The following PHACTR1 variants were observed in gnomAD, a reference collection of about 807,000 sequenced individuals.
The protein encoded by PHACTR1 is RPEL repeat containing 1.
A neutral mutation model predicts 69.2 loss-of-function variants in PHACTR1; 16 were observed. The ratio of observed to expected loss-of-function variants is 0.23; its 90% CI spans 0.16 to 0.35. The LOEUF (loss-of-function observed/expected upper bound fraction) is 0.35, where lower values mean the gene tolerates loss of function less well. Ranked by LOEUF, PHACTR1 falls within the 10% of genes least tolerant of loss-of-function variation. The pLI, the probability that PHACTR1 is intolerant of heterozygous loss-of-function variation, is 1.00. For missense variants in PHACTR1, 510 were observed against 734.7 expected (o/e 0.69, Z 3.54); for synonymous variants, 312 against 284.5 (o/e 1.10, Z -0.97).
intron 4 of PHACTR1, among the ~76,000 whole-genome samples, chr6:12,931,351 T>A (rs548024412): frequency 7.2e-5 from 11 of 152,296 alleles, no homozygotes; most frequent in Admixed American, 2.6e-4. Context: ...AGTCTCAGGG[T>A]CATACCTACC....
At chr6:12,774,823 G>GTATA (rs1769851112) in intron 4 of PHACTR1, among the ~76,000 whole-genome samples, 1 of 152,194 alleles carries the variant, frequency 6.6e-6, no homozygotes, top group African/African-American at 2.4e-5. Flanking sequence ...TCAGGAAAGG[G>GTATA]TATAGAAGCA....
intron 5 of PHACTR1, among the ~76,000 whole-genome samples, chr6:13,122,939 G>C (rs1818951566): frequency 6.6e-6 from 1 of 151,870 alleles, no homozygotes. Context: ...AGTGTTTTTT[G>C]TTTCTTTCAT....
In PHACTR1 at chr6:12,749,713, G is replaced by A. The variant is rs1766325730; in HGVS notation, c.173G>A (p.Arg58Gln). The A allele has an allele frequency of 6.2e-7, 1 of 1,612,102 alleles. No individual in the cohort carries two copies. Among genetic ancestry groups the A allele is most frequent in the Non-Finnish European group, 8.5e-7 (1 of 1,179,674 alleles). Residue 58 changes from arginine (R) to glutamine (Q), a missense_variant, in exon 4 of 15, where the codon CGG becomes CAG. Around this residue, in one of 2 missense-constraint regions of PHACTR1, gnomAD observed 419 missense variants for 530.9 expected, o/e 0.79. Coordinates refer to ENST00000332995, the MANE Select transcript of PHACTR1 (RefSeq NM_030948.6). The stretch of plus-strand genomic sequence containing the variant: ...TCCTCGGAGGATGATATAGACCGGC[G>A]GCCCATCCGGAGAGTGCGCTCCAAG... ...AASSEDDIDR[R>Q]PIRRVRSKSD...
At chr6:13,152,403 A>G (rs1297547273) in intron 5 of PHACTR1, among the ~76,000 whole-genome samples, 2 of 152,224 alleles carry the variant, frequency 1.3e-5, no homozygotes, top group African/African-American at 2.4e-5. Flanking sequence ...TCATATGGAA[A>G]GGGAGACTGG....
At chr6:13,074,471 A>C (rs1810096825) in intron 5 of PHACTR1, among the ~76,000 whole-genome samples, 1 of 152,194 alleles carries the variant, frequency 6.6e-6, no homozygotes, top group African/African-American at 2.4e-5. Flanking sequence ...AAAAATAATC[A>C]AAATTTTAGA....
chr6:13,093,777 G>C (rs533524237), intron 5 of PHACTR1, among the ~76,000 whole-genome samples: 107 of 152,308 alleles, frequency 7.0e-4, no homozygotes, highest in African/African-American at 2.5e-3. Flanking sequence ...TAAACACTAG[G>C]AGTGAAAGTT....
chr6:13,205,847 C>T lies in PHACTR1; in HGVS notation c.697C>T (p.Pro233Ser). Residue 233 changes from proline (P) to serine (S), a missense_variant, in exon 8 of 15, where the codon CCA (proline) becomes TCA (serine). Transcript: ENST00000332995. The part of the protein sequence containing the change: ...PGAPVKLPCL[P>S]VKLSPPLPPK... Reference sequence around the variant, plus strand: ...CGCCCCTGTGAAATTGCCTTGTCTGCCAGTGAAACTGTCGCCTCCGCTACC... The same window carrying T: ...CGCCCCTGTGAAATTGCCTTGTCTGTCAGTGAAACTGTCGCCTCCGCTACC... 1 of 1,593,396 alleles carries T rather than the reference C, an allele frequency of 6.3e-7. No homozygotes were observed. The highest frequency in any genetic ancestry group is 8.6e-7 in the Non-Finnish European group (1 of 1,163,484).
At chr6:13,011,012 C>T (rs920339121) in intron 4 of PHACTR1, among the ~76,000 whole-genome samples, 1 of 152,232 alleles carries the variant, frequency 6.6e-6, no homozygotes, top group East Asian at 1.9e-4. Context: ...GCTGCCCATA[C>T]TAAGCTATAT....
intron 5 of PHACTR1, among the ~76,000 whole-genome samples, chr6:13,106,264 G>A (rs1191362798): frequency 6.6e-6 from 1 of 151,904 alleles, no homozygotes; most frequent in Non-Finnish European, 1.5e-5. Flanking sequence ...TTCCAATCTG[G>A]ATTCCTTTTA....
intron 5 of PHACTR1, among the ~76,000 whole-genome samples, chr6:13,107,222 A>G (rs1389884069): frequency 6.6e-6 from 1 of 152,032 alleles, no homozygotes; most frequent in Non-Finnish European, 1.5e-5. Flanking sequence ...GGTTCAAGCA[A>G]TCCTCAGTCT....
At chr6:12,865,459 TG>T (rs1781357420) in intron 4 of PHACTR1, among the ~76,000 whole-genome samples, 1 of 30,750 alleles carries the variant, frequency 3.3e-5, no homozygotes, top group Admixed American at 5.9e-4. Context: ...GTTTAATGGG[TG>T]TGTGTGTGTG....
At chr6:12,902,787 C>T (rs570975075) in intron 4 of PHACTR1, among the ~76,000 whole-genome samples, 12 of 152,262 alleles carry the variant, frequency 7.9e-5, no homozygotes, top group African/African-American at 2.6e-4. Flanking sequence ...TGTGCAGATT[C>T]GCTCACTACT....
chr6:13,043,097 G>C (rs1053794389), intron 4 of PHACTR1, among the ~76,000 whole-genome samples: 1 of 152,216 alleles, frequency 6.6e-6, no homozygotes, highest in South Asian at 2.1e-4. Context: ...CTTTGTCTCT[G>C]TTGTGGCTCA....
intron 5 of PHACTR1, among the ~76,000 whole-genome samples, chr6:13,150,773 C>T (rs892969855): frequency 1.3e-5 from 2 of 152,154 alleles, no homozygotes; most frequent in African/African-American, 4.8e-5. Context: ...CCTTTCTCCT[C>T]TTTTATATAT....
chr6:13,197,690 T>G (rs1764628500), intron 7 of PHACTR1, among the ~76,000 whole-genome samples: 1 of 152,192 alleles, frequency 6.6e-6, no homozygotes, highest in Non-Finnish European at 1.5e-5. Context: ...ATGCTATCCC[T>G]CAAGGATCTA....
At chr6:12,835,543 G>A (rs144197457) in intron 4 of PHACTR1, among the ~76,000 whole-genome samples, 195 of 151,976 alleles carry the variant, frequency 1.3e-3, no homozygotes, top group African/African-American at 4.5e-3. Context: ...GTTTTAAAAG[G>A]GTATTCAGGA....
At chr6:12,863,577 C>CCCTGAATGA (rs1781150636) in intron 4 of PHACTR1, among the ~76,000 whole-genome samples, 1 of 152,130 alleles carries the variant, frequency 6.6e-6, no homozygotes, top group Non-Finnish European at 1.5e-5. Context: ...TTATGAAATG[C>CCCTGAATGA]CCTGAATGAG....
chr6:13,174,733 T>TCC (rs1761089018), intron 6 of PHACTR1, among the ~76,000 whole-genome samples: 1 of 151,908 alleles, frequency 6.6e-6, no homozygotes, highest in East Asian at 1.9e-4. Flanking sequence ...TCTCTCTCTC[T>TCC]CCCCCTCCCT....
intron 8 of PHACTR1, among the ~76,000 whole-genome samples, chr6:13,221,426 T>A (rs1332728893): frequency 2.5e-5 from 1 of 39,956 alleles, no homozygotes; most frequent in Non-Finnish European, 4.7e-5. Context: ...GAGGGTGGAC[T>A]GGGTGGGTGG....
Sources: allele counts gnomAD v4.1 joint callset (sites outside exome capture counted in the v4.1 genomes callset), GRCh38; gene constraint gnomAD v4.1.1; regional missense constraint gnomAD v4.1.1; transcripts MANE v1.5; gene names NCBI Gene and HGNC (gene_info 2026-07-23, HGNC 2026-07-21).